The following ZBTB39 variants were observed in gnomAD, a reference collection of about 807,000 sequenced individuals.
ZBTB39 encodes the protein zinc finger and BTB domain-containing protein 39.
In ZBTB39, 25 loss-of-function variants were observed where a neutral mutation model predicts 39.4. That is an observed-to-expected ratio of 0.63 (90% CI 0.46 to 0.89). ZBTB39 has a LOEUF of 0.89. ZBTB39 is among the 40% of genes least tolerant of loss of function. The pLI, the probability that ZBTB39 is intolerant of heterozygous loss-of-function variation, is 0.00. For synonymous variants in ZBTB39, 373 were observed against 359.6 expected (o/e 1.04, Z -0.42); for missense variants, 891 against 909.7 (o/e 0.98, Z 0.26).
In ZBTB39 at chr12:57,003,211, C is replaced by A; in HGVS notation, c.1707G>T (p.Arg569=). 4 of 1,614,158 alleles carry A rather than the reference C, an allele frequency of 2.5e-6. No homozygotes were observed. The highest frequency in any genetic ancestry group is 3.4e-6 in the Non-Finnish European group (4 of 1,180,006). Residue 569 remains arginine, a synonymous_variant, in exon 2 of 2, where the codon CGG becomes CGT. Transcript: ENST00000300101. The surrounding 1 kb of genome is among the most constrained non-coding windows in gnomAD (Gnocchi z 4.8). The part of the protein sequence containing the change: ...QHKCNSGLDA[R]PGFGLQHPAL... ...CTGGGTGCTGCAGCCCAAAACCAGG[C>A]CGTGCATCAAGGCCACTGTTGCATT...
In ZBTB39 at chr12:56,999,785, A is replaced by G. The variant is rs1281667482; in HGVS notation, c.*2994T>C. On this transcript the variant is annotated 3_prime_UTR_variant, in exon 2 of 2. Transcript: ENST00000300101. ...TTTCCCCTCGGAAAACAAGTTGGGAATGGCCTCATATTTGGTTTAATGCTC... is the reference window on the plus strand; with the variant it reads ...TTTCCCCTCGGAAAACAAGTTGGGAGTGGCCTCATATTTGGTTTAATGCTC... 1 of 152,172 alleles carries G rather than the reference A, an allele frequency of 6.6e-6. No homozygotes were observed. Among genetic ancestry groups the G allele is most frequent in the Admixed American group, 6.5e-5 (1 of 15,282 alleles). 9.4% of individuals were successfully genotyped at this position (152,172 alleles called of 1,614,324 possible). A position where few individuals can be genotyped will look rare whatever the true frequency, so the allele number is the denominator to read the frequency against.
At chr12:57,006,042 A>T (rs1482618361) in intron 1 of ZBTB39, among the ~76,000 whole-genome samples, 1 of 152,106 alleles carries the variant, frequency 6.6e-6, no homozygotes. Flanking sequence ...AGAGGGTGGG[A>T]GAGGGGGAAG....
In ZBTB39 at chr12:57,003,283, C is replaced by G; in HGVS notation, c.1635G>C (p.Gln545His). The stretch of plus-strand genomic sequence containing the variant: ...GATAGGCAGCCTCTGACTTGAAGCT[C>G]TGGCTGCACAAGCGGCAGTGGAAGA... ...DALFHCRLCS[Q>H]SFKSEAAYRY... Residue 545 changes from glutamine to histidine, a missense_variant, in exon 2 of 2, where the codon CAG becomes CAC. By Grantham distance (24) the Gln-to-His change is conservative. Coordinates refer to ENST00000300101, the MANE Select transcript of ZBTB39 (RefSeq NM_014830.3). This position sits in a 1 kb window ranked among gnomAD's most constrained non-coding sequence, Gnocchi z 4.8. The G allele has an allele frequency of 6.2e-7, 1 of 1,614,184 alleles. No homozygotes were observed. The highest frequency in any genetic ancestry group is 1.1e-5 in the South Asian group (1 of 91,074).
Position 57,004,874 on chromosome 12 carries a change from T to C in ZBTB39, c.44A>G (p.Asn15Ser). Residue 15 changes from asparagine to serine, a missense_variant, in exon 2 of 2, where the codon AAC becomes AGC. Physicochemically the swap from Asn to Ser is conservative, Grantham distance 46 (BLOSUM62 1). Transcript: ENST00000300101. ...GCACTTGTTGAGTTCCTTCAGCAGG[T>C]TGTTGGGGTGGTTGGTGCTTTGCAG... ...IKLQSTNHPN[N>S]LLKELNKCRL... 6.2e-7 allele frequency: 1 copy of C among 1,611,056 alleles called. No individual in the cohort carries two copies. Among genetic ancestry groups the C allele is most frequent in the Non-Finnish European group, 8.5e-7 (1 of 1,177,956 alleles).
chr12:57,003,814 G>A lies in ZBTB39; in HGVS notation c.1104C>T (p.Asp368=), dbSNP rs1956227244. The A allele has an allele frequency of 1.2e-6, 2 of 1,614,194 alleles. No homozygotes were observed. Among genetic ancestry groups the A allele is most frequent in the African/African-American group, 1.3e-5 (1 of 75,034 alleles). Residue 368 remains aspartate (D), a synonymous_variant, in exon 2 of 2, where the codon GAC becomes GAT. Transcript: ENST00000300101. The surrounding 1 kb of genome is among the most constrained non-coding windows in gnomAD (Gnocchi z 4.8). ...AGACCTTGCAGTTGCCCGTCAGCAGGTCCACATGGTCCCGAGCATGCTGCC... is the reference window on the plus strand; with the variant it reads ...AGACCTTGCAGTTGCCCGTCAGCAGATCCACATGGTCCCGAGCATGCTGCC... ...LIRQHARDHV[D]LLTGNCKVCE...
rs1490395216 is a variant in ZBTB39, at chr12:57,000,670, G to A, written c.*2109C>T. 2 of 152,264 alleles carry A rather than the reference G, an allele frequency of 1.3e-5. No homozygotes were observed. Among genetic ancestry groups the A allele is most frequent in the Non-Finnish European group, 2.9e-5 (2 of 68,046 alleles). The allele number at this position is 152,264 out of a possible 1,614,324, so 9.4% of individuals were successfully genotyped here. ...AGAAAGGGAGAAGCCAGTCAGCAAT[G>A]AAGAGTCTCAACACTGCTTTCCTGA... is the stretch of plus-strand genomic sequence containing the variant. On this transcript the variant is annotated 3_prime_UTR_variant, in exon 2 of 2. Coordinates refer to ENST00000300101, the MANE Select transcript of ZBTB39 (RefSeq NM_014830.3).
Position 57,001,108 on chromosome 12 carries a change from G to T in ZBTB39, c.*1671C>A, listed in dbSNP as rs1011547405. On this transcript the variant is annotated 3_prime_UTR_variant, in exon 2 of 2. Transcript: ENST00000300101. ...ATGCTAGAGACAATCTGGAGAAGAA[G>T]AATTTGCTTAAGGGCTTGACATGTC... 6.6e-6 allele frequency: 1 copy of T among 152,210 alleles called. No individual in the cohort carries two copies. Among genetic ancestry groups the T allele is most frequent in the Non-Finnish European group, 1.5e-5 (1 of 68,042 alleles). 9.4% of individuals were successfully genotyped at this position (152,210 alleles called of 1,614,324 possible). A position where few individuals can be genotyped will look rare whatever the true frequency, so the allele number is the denominator to read the frequency against.
chr12:57,003,331 C>T lies in ZBTB39; in HGVS notation c.1587G>A (p.Val529=). Residue 529 remains valine, a synonymous_variant, in exon 2 of 2, where the codon GTG becomes GTA. Transcript: ENST00000300101. This position sits in a 1 kb window ranked among gnomAD's most constrained non-coding sequence, Gnocchi z 4.8. ...AGAGGGCGTCTTCCAGACTTTGGTG[C>T]ACAGCCATGTGCTTCTCTAGAAGAT... ...DWHLLEKHMA[V]HQSLEDALFH... 1 of 1,613,882 alleles carries T rather than the reference C, an allele frequency of 6.2e-7. No individual in the cohort carries two copies. Among genetic ancestry groups the T allele is most frequent in the East Asian group, 2.2e-5 (1 of 44,876 alleles).
chr12:57,004,997 C>A, intron 1 of ZBTB39, 36 bp from the exon 2 acceptor site: 2 of 1,422,378 alleles, frequency 1.4e-6, no homozygotes, highest in Non-Finnish European at 1.9e-6. Flanking sequence ...GATGGCCAAA[C>A]ACATCCGTGC....
At position 56,999,016 on chromosome 12, in the gene ZBTB39, T is replaced by C. The variant is rs527989990; in HGVS notation, c.*3763A>G. Reference sequence around the variant, plus strand: ...TTAAATATTAGGAGGTCAGTACTTATTAATTTAATGGAAGGAGTTAGACGT... The same window carrying C: ...TTAAATATTAGGAGGTCAGTACTTACTAATTTAATGGAAGGAGTTAGACGT... On this transcript the variant is annotated 3_prime_UTR_variant, in exon 2 of 2. Transcript: ENST00000300101. 2 of 152,748 alleles carry C rather than the reference T, an allele frequency of 1.3e-5. No homozygotes were observed. The highest frequency in any genetic ancestry group is 2.4e-5 in the African/African-American group (1 of 41,562). The allele number at this position is 152,748 out of a possible 1,614,324, so 9.5% of individuals were successfully genotyped here. A position where few individuals can be genotyped will look rare whatever the true frequency, so the allele number is the denominator to read the frequency against.
rs756152476 is a variant in ZBTB39 at position 57,004,313 on chromosome 12, G to T, written c.605C>A (p.Pro202Gln). Reference protein sequence around the residue: ...DANHSLHLPQPPPPPPKTEDH... With the variant: ...DANHSLHLPQQPPPPPKTEDH... ...TTCTGTCTTTGGCGGTGGTGGGGGCGGTTGCGGCAGATGCAGGCTATGGTT... is the reference window on the plus strand; with the variant it reads ...TTCTGTCTTTGGCGGTGGTGGGGGCTGTTGCGGCAGATGCAGGCTATGGTT... The change falls in exon 2 of 2, where the codon CCG becomes CAG. Residue 202 changes from proline (P) to glutamine (Q), a missense_variant. Physicochemically the swap from Pro to Gln is moderately conservative, Grantham distance 76. Transcript: ENST00000300101. 2.5e-6 allele frequency: 4 copies of T among 1,614,170 alleles called. No individual in the cohort carries two copies. The highest frequency in any genetic ancestry group is 3.4e-6 in the Non-Finnish European group (4 of 1,180,028).
In ZBTB39 at chr12:57,002,513, A is replaced by C; in HGVS notation, c.*266T>G. The C allele has an allele frequency of 4.1e-6, 2 of 485,578 alleles. No individual in the cohort carries two copies. The highest frequency in any genetic ancestry group is 7.3e-6 in the Non-Finnish European group (2 of 272,488). 30.1% of individuals were successfully genotyped at this position (485,578 alleles called of 1,614,324 possible). On this transcript the variant is annotated 3_prime_UTR_variant, in exon 2 of 2. Transcript: ENST00000300101. ...TAGTGGACACCAACTGCTTGACTAG[A>C]TCCCAAAACCAGCCTCAAAAGAATG...
In ZBTB39 at chr12:57,000,239, CTA is replaced by C. The variant is rs1216326284; in HGVS notation, c.*2538_*2539del. 1.3e-5 allele frequency: 2 copies of C among 152,546 alleles called. No individual in the cohort carries two copies. Among genetic ancestry groups the C allele is most frequent in the Non-Finnish European group, 2.9e-5 (2 of 68,040 alleles). The allele number at this position is 152,546 out of a possible 1,614,324, so 9.4% of individuals were successfully genotyped here. ...CAACAAATCTCATGAGCTACTGATCCTATGACGTATCTGACTGGGACCAACTG... is the reference window on the plus strand; with the variant it reads ...CAACAAATCTCATGAGCTACTGATCCTGACGTATCTGACTGGGACCAACTG... On this transcript the variant is annotated 3_prime_UTR_variant, in exon 2 of 2. Transcript: ENST00000300101.
rs764005049 is a variant in ZBTB39, at chr12:56,999,697, C to T, written c.*3082G>A. 1 of 152,218 alleles carries T rather than the reference C, an allele frequency of 6.6e-6. No individual in the cohort carries two copies. 9.4% of individuals were successfully genotyped at this position (152,218 alleles called of 1,614,324 possible). A position where few individuals can be genotyped will look rare whatever the true frequency, so the allele number is the denominator to read the frequency against. On this transcript the variant is annotated 3_prime_UTR_variant, in exon 2 of 2. Coordinates refer to ENST00000300101, the MANE Select transcript of ZBTB39 (RefSeq NM_014830.3). ...GTCACTGGAGTGCCAGGATACTAAT[C>T]TCTGCCTCTGGCCACATGGAGCCTC...
intron 1 of ZBTB39, among the ~76,000 whole-genome samples, chr12:57,005,336 C>T (rs1956238821): frequency 6.6e-6 from 1 of 152,228 alleles, no homozygotes; most frequent in African/African-American, 2.4e-5. Flanking sequence ...ATATTCTTTT[C>T]CCTCATGATG....
Position 57,004,203 on chromosome 12 carries a change from T to C in ZBTB39, c.715A>G (p.Thr239Ala). ...LLGTVSTGIQ[T>A]STSSCQPYKV... ...TATGGCTGGCAGGAGCTCGTGCTGG[T>C]CTGGATGCCCGTGCTGACAGTGCCT... Residue 239 changes from threonine (T) to alanine (A), a missense_variant, in exon 2 of 2, where the codon ACC (threonine) becomes GCC (alanine). Physicochemically the swap from Thr to Ala is moderately conservative, Grantham distance 58. Transcript: ENST00000300101. 1 of 1,614,194 alleles carries C rather than the reference T, an allele frequency of 6.2e-7. No individual in the cohort carries two copies.
Position 57,004,651 on chromosome 12 carries a change from A to G in ZBTB39, c.267T>C (p.Thr89=). The part of the protein sequence containing the change: ...NFEKVLSFVY[T]SELFTDLINV... ...TGATCAGGTCTGTGAAGAGTTCTGA[A>G]GTGTAGACAAAGCTCAGAACCTTCT... is the stretch of plus-strand genomic sequence containing the variant. Residue 89 remains threonine, a synonymous_variant, in exon 2 of 2, where the codon ACT becomes ACC. Transcript: ENST00000300101. 1.2e-6 allele frequency: 2 copies of G among 1,614,222 alleles called. No homozygotes were observed. Among genetic ancestry groups the G allele is most frequent in the African/African-American group, 1.3e-5 (1 of 75,050 alleles).
In ZBTB39 at chr12:57,003,049, G is replaced by T; in HGVS notation, c.1869C>A (p.His623Gln). The T allele has an allele frequency of 6.2e-7, 1 of 1,614,058 alleles. No homozygotes were observed. Among genetic ancestry groups the T allele is most frequent in the Non-Finnish European group, 8.5e-7 (1 of 1,180,006 alleles). ...GCTTCTCCCCCGTGTGGATCCGCCG[G>T]TGGTAGTTGAATTCGCTTGTGTGGG... is the stretch of plus-strand genomic sequence containing the variant. ...RFAHTSEFNYHRRIHTGEKPY... is the reference protein window; with the variant it reads ...RFAHTSEFNYQRRIHTGEKPY... Residue 623 changes from histidine to glutamine, a missense_variant, in exon 2 of 2, where the codon CAC becomes CAA. His to Gln is a conservative substitution (Grantham distance 24, BLOSUM62 0). Coordinates refer to ENST00000300101, the MANE Select transcript of ZBTB39 (RefSeq NM_014830.3). The surrounding 1 kb of genome is among the most constrained non-coding windows in gnomAD (Gnocchi z 4.8).
In ZBTB39 at chr12:57,000,691, C is replaced by G. The variant is rs899443100; in HGVS notation, c.*2088G>C. 6.6e-6 allele frequency: 1 copy of G among 152,260 alleles called. No homozygotes were observed. The highest frequency in any genetic ancestry group is 2.4e-5 in the African/African-American group (1 of 41,460). 9.4% of individuals were successfully genotyped at this position (152,260 alleles called of 1,614,324 possible). Reference sequence around the variant, plus strand: ...CAATGAAGAGTCTCAACACTGCTTTCCTGATGAGGATGTCCTCAGAGGACA... The same window carrying G: ...CAATGAAGAGTCTCAACACTGCTTTGCTGATGAGGATGTCCTCAGAGGACA... On this transcript the variant is annotated 3_prime_UTR_variant, in exon 2 of 2. Transcript: ENST00000300101.
Sources: allele counts gnomAD v4.1 joint callset (sites outside exome capture counted in the v4.1 genomes callset), GRCh38; gene constraint gnomAD v4.1.1; non-coding constraint Gnocchi (gnomAD v3.1); transcripts MANE v1.5; gene names NCBI Gene and HGNC (gene_info 2026-07-23, HGNC 2026-07-21).